The following MAPK8IP3 variants were observed in gnomAD, a reference collection of about 807,000 sequenced individuals.
MAPK8IP3 encodes the protein C-Jun-amino-terminal kinase-interacting protein 3.
Under a neutral mutation model 157.8 loss-of-function variants are expected in MAPK8IP3, and 49 were observed. That is an observed-to-expected ratio of 0.31 (90% CI 0.25 to 0.39). The LOEUF (loss-of-function observed/expected upper bound fraction) is 0.39. MAPK8IP3 is among the 10% of genes least tolerant of loss of function. MAPK8IP3 has a pLI of 1.00. For synonymous variants in MAPK8IP3, 897 were observed against 777.7 expected (o/e 1.15, Z -2.55); for missense variants, 1,478 against 1,889.4 (o/e 0.78, Z 4.04).
intron 4 of MAPK8IP3, among the ~76,000 whole-genome samples, chr16:1,739,673 TGTGA>T (rs1178088816): frequency 3.2e-5 from 4 of 126,558 alleles, no homozygotes; most frequent in South Asian, 6.4e-4. Context: ...TGACCGTTCG[TGTGA>T]GTGACCGTCC....
chr16:1,755,406 C>T (rs2041533968), intron 8 of MAPK8IP3, among the ~76,000 whole-genome samples: 3 of 152,170 alleles, frequency 2.0e-5, no homozygotes, highest in South Asian at 4.1e-4. Flanking sequence ...ACCTGTGGTC[C>T]TAGCTACTTG....
chr16:1,747,380 GA>G, intron 6 of MAPK8IP3, 105 bp downstream of exon 6: 1 of 1,471,700 alleles, frequency 6.8e-7, no homozygotes, highest in East Asian at 2.4e-5. Flanking sequence ...AGGCAGCAGA[GA>G]CGTGTTCCTC....
chr16:1,749,506 G>A (rs1026722722), intron 8 of MAPK8IP3, among the ~76,000 whole-genome samples: 2 of 152,150 alleles, frequency 1.3e-5, no homozygotes, highest in African/African-American at 2.4e-5. Context: ...GGTCTACACC[G>A]GACCCCTGTG....
chr16:1,725,776 C>T (rs1439224201), intron 2 of MAPK8IP3, among the ~76,000 whole-genome samples: 2 of 152,108 alleles, frequency 1.3e-5, no homozygotes, highest in African/African-American at 2.4e-5. Flanking sequence ...CAGCTCACTG[C>T]AACCTCTGCC....
chr16:1,740,285 C>T (rs1246081128), intron 4 of MAPK8IP3, among the ~76,000 whole-genome samples: 15 of 140,734 alleles, frequency 1.1e-4, no homozygotes, highest in Admixed American at 6.5e-4. Flanking sequence ...TGTGAGTGTC[C>T]GCATAACCGT....
chr16:1,744,082 C>T (rs935758544), intron 5 of MAPK8IP3: 5 of 987,892 alleles, frequency 5.1e-6, no homozygotes, highest in South Asian at 9.3e-5. Flanking sequence ...CACAGCCAGC[C>T]GGTGAGTGCA....
rs2040727219 is a variant in MAPK8IP3, at chr16:1,742,263, G to A, written c.603-1069G>A. 6.6e-6 allele frequency among the ~76,000 whole-genome samples: 1 copy of A among 152,164 alleles called. No homozygotes were observed. Among genetic ancestry groups the A allele is most frequent in the Admixed American group, 6.5e-5 (1 of 15,278 alleles). ...GGAGGAGGACGTAAAGGGAGACCTT[G>A]GGCTCCATCCCTGCTCTTGCTTATG... On this transcript the variant is annotated intron_variant, in intron 4 of 31. Transcript: ENST00000610761. The surrounding 1 kb of genome is among the most constrained non-coding windows in gnomAD (Gnocchi z 5.0).
intron 1 of MAPK8IP3, among the ~76,000 whole-genome samples, chr16:1,713,290 C>G (rs1405886816): frequency 6.6e-6 from 1 of 152,168 alleles, no homozygotes; most frequent in Non-Finnish European, 1.5e-5. Context: ...CGCCACGTTG[C>G]CCAGGCTGGT....
chr16:1,762,318 G>A (rs962191939), intron 13 of MAPK8IP3, 33 bp from the exon 14 acceptor site: 14 of 1,544,450 alleles, frequency 9.1e-6, no homozygotes, highest in Non-Finnish European at 1.2e-5. Flanking sequence ...GCCTCCGAGG[G>A]CTGGCTGAGC....
At position 1,765,193 on chromosome 16, in the gene MAPK8IP3, T is replaced by C; in HGVS notation, c.2446+15T>C. 4 of 1,580,570 alleles carry C rather than the reference T, an allele frequency of 2.5e-6. No individual in the cohort carries two copies. The highest frequency in any genetic ancestry group is 2.3e-5 in the East Asian group (1 of 43,680). ...CAGCATCCCCGGTGAGCAGCTGGAG[T>C]GGGCGTTTCCACTCGGGCGCCACTC... On this transcript the variant is annotated intron_variant, in intron 20 of 31. Coordinates refer to ENST00000610761, the MANE Select transcript of MAPK8IP3 (RefSeq NM_001318852.2).
intron 1 of MAPK8IP3, among the ~76,000 whole-genome samples, chr16:1,712,351 G>A (rs771539587): frequency 6.6e-6 from 1 of 151,952 alleles, no homozygotes; most frequent in Non-Finnish European, 1.5e-5. Context: ...ATGAGCCATC[G>A]CGCCCGGCCA....
chr16:1,737,371 TGTGAGA>T (rs1471158982), intron 4 of MAPK8IP3, among the ~76,000 whole-genome samples: 8 of 97,174 alleles, frequency 8.2e-5, no homozygotes, highest in African/African-American at 1.3e-4. Flanking sequence ...TGACCGTCCG[TGTGAGA>T]GTGTGACCAT....
chr16:1,708,605 C>T (rs1031858898), intron 1 of MAPK8IP3, among the ~76,000 whole-genome samples: 1 of 152,202 alleles, frequency 6.6e-6, no homozygotes, highest in Non-Finnish European at 1.5e-5. Context: ...GTGAGTGCAT[C>T]TGCCCTCCCC....
intron 1 of MAPK8IP3, among the ~76,000 whole-genome samples, chr16:1,719,070 C>T (rs2038345924): frequency 1.3e-5 from 2 of 152,192 alleles, no homozygotes; most frequent in African/African-American, 4.8e-5. Flanking sequence ...AAGACCCCGT[C>T]TCAAGCAATC....
At chr16:1,726,570 G>A (rs912110165) in intron 2 of MAPK8IP3, among the ~76,000 whole-genome samples, 3 of 152,140 alleles carry the variant, frequency 2.0e-5, no homozygotes, top group African/African-American at 7.2e-5. Flanking sequence ...CCAGCTACTC[G>A]GGAGGCTGAG....
At chr16:1,764,896 C>T (rs1224775013) in intron 19 of MAPK8IP3, 117 bp from the exon 20 acceptor site, 4 of 978,998 alleles carry the variant, frequency 4.1e-6, no homozygotes, top group Non-Finnish European at 6.1e-6. Context: ...ACAGCCATGT[C>T]CCCTCAAGCT....
At chr16:1,763,421 G>A (rs533312208) in intron 16 of MAPK8IP3, among the ~76,000 whole-genome samples, 42 of 152,372 alleles carry the variant, frequency 2.8e-4, no homozygotes, top group African/African-American at 1.0e-3. Context: ...GTCGAGCAGG[G>A]GCCAGCTGTG....
chr16:1,756,241 G>A (rs2041591591), intron 8 of MAPK8IP3, among the ~76,000 whole-genome samples: 1 of 152,182 alleles, frequency 6.6e-6, no homozygotes, highest in South Asian at 2.1e-4. Context: ...ACAGGGCATT[G>A]AAAGCAACCA....
At chr16:1,763,570 T>TGCCGTGACCTCCCC in intron 16 of MAPK8IP3, 87 bp from the exon 17 acceptor site, 1 of 1,379,202 alleles carries the variant, frequency 7.3e-7, no homozygotes, top group South Asian at 1.7e-5. Context: ...CGGGCCTCCC[T>TGCCGTGACCTCCCC]GCCGTGACCT....
Sources: gnomAD v4.1 joint callset for allele counts (sites outside exome capture counted in the v4.1 genomes callset) on GRCh38, gnomAD v4.1.1 for gene constraint, Gnocchi (gnomAD v3.1) non-coding constraint, MANE v1.5 for transcripts, NCBI Gene and HGNC (gene_info 2026-07-23, HGNC 2026-07-21) for gene names.